The following COX5A variants were observed in gnomAD, a reference collection of about 807,000 sequenced individuals.
The protein encoded by COX5A is cytochrome c oxidase subunit 5A.
Under a neutral mutation model 16.1 loss-of-function variants are expected in COX5A, and 6 were observed. The observed-to-expected ratio is 0.37, with a 90% confidence interval of 0.20 to 0.73. The LOEUF (loss-of-function observed/expected upper bound fraction) is 0.73. Ranked by LOEUF, COX5A falls within the 30% of genes least tolerant of loss-of-function variation. COX5A has a pLI of 0.50. For synonymous variants in COX5A, 73 were observed against 73.8 expected, an observed-to-expected ratio of 0.99 and a Z score of 0.06; for missense variants, 159 against 194.9, an observed-to-expected ratio of 0.82 and a Z score of 1.10.
intron 4 of COX5A, 46 bp downstream of exon 4, chr15:74,923,602 C>T (rs1374803204): frequency 8.9e-7 from 1 of 1,127,530 alleles, no homozygotes; most frequent in African/African-American, 1.5e-5. Flanking sequence ...TCCACCCACA[C>T]CTCTCTGGAT....
chr15:74,936,622 C>CTTTTT (rs1021836626), intron 1 of COX5A, among the ~76,000 whole-genome samples: 73 of 112,428 alleles, frequency 6.5e-4, no homozygotes, highest in Middle Eastern at 6.4e-3. Context: ...AAAACATATT[C>CTTTTT]TTTTTTTTTT....
intron 2 of COX5A, among the ~76,000 whole-genome samples, chr15:74,928,203 G>A (rs564214524): frequency 6.6e-6 from 1 of 152,130 alleles, no homozygotes; most frequent in Non-Finnish European, 1.5e-5. Flanking sequence ...TTGAATTTTT[G>A]GTATGAGATA....
intron 1 of COX5A, among the ~76,000 whole-genome samples, chr15:74,934,552 C>G (rs139075330): frequency 6.6e-5 from 10 of 152,162 alleles, no homozygotes; most frequent in African/African-American, 2.4e-4. Context: ...AGGATGGTCT[C>G]GATCTCCTGA....
At chr15:74,933,910 C>A (rs188622339) in intron 1 of COX5A, among the ~76,000 whole-genome samples, 21 of 152,254 alleles carry the variant, frequency 1.4e-4, no homozygotes, top group African/African-American at 4.3e-4. Context: ...ACAGCAAATC[C>A]AAGTCAAGGA....
At chr15:74,924,240 C>T (rs991316952) in intron 3 of COX5A, among the ~76,000 whole-genome samples, 2 of 151,622 alleles carry the variant, frequency 1.3e-5, no homozygotes, top group African/African-American at 2.4e-5. Context: ...CACATTTGTT[C>T]GGTAAGTAGG....
At chr15:74,921,391 G>A (rs1408953921) in intron 4 of COX5A, among the ~76,000 whole-genome samples, 1 of 126,588 alleles carries the variant, frequency 7.9e-6, no homozygotes, top group African/African-American at 2.8e-5. Context: ...CTGGGTGACA[G>A]AGCCAGACTC....
Position 74,938,039 on chromosome 15 carries a change from G to A in COX5A, c.-25C>T. On this transcript the variant is annotated 5_prime_UTR_variant, in exon 1 of 5. Coordinates refer to ENST00000322347, the MANE Select transcript of COX5A (RefSeq NM_004255.4). ...TGACGGCGATGGCGGCGCGCGGGCTGAGGACAGAGAGAAGCCGGTGTAAGC... is the reference window on the plus strand; with the variant it reads ...TGACGGCGATGGCGGCGCGCGGGCTAAGGACAGAGAGAAGCCGGTGTAAGC... The A allele has an allele frequency of 8.2e-7, 1 of 1,219,360 alleles. No homozygotes were observed. Among genetic ancestry groups the A allele is most frequent in the African/African-American group, 1.6e-5 (1 of 64,078 alleles). 75.5% of individuals were successfully genotyped at this position (1,219,360 alleles called of 1,614,324 possible). A position where few individuals can be genotyped will look rare whatever the true frequency, so the allele number is the denominator to read the frequency against.
chr15:74,938,048 G>T lies in COX5A; in HGVS notation c.-34C>A. 1 of 1,210,178 alleles carries T rather than the reference G, an allele frequency of 8.3e-7. No homozygotes were observed. The highest frequency in any genetic ancestry group is 4.2e-5 in the South Asian group (1 of 23,944). 75.0% of individuals were successfully genotyped at this position (1,210,178 alleles called of 1,614,324 possible). The stretch of plus-strand genomic sequence containing the variant: ...TGGCGGCGCGCGGGCTGAGGACAGA[G>T]AGAAGCCGGTGTAAGCTCGCGGGTT... On this transcript the variant is annotated 5_prime_UTR_variant, in exon 1 of 5. Transcript: ENST00000322347.
chr15:74,926,286 C>T (rs563844820), intron 3 of COX5A, among the ~76,000 whole-genome samples: 14 of 150,952 alleles, frequency 9.3e-5, no homozygotes, highest in African/African-American at 2.4e-4. Context: ...GTGATCCGCC[C>T]GCCTCGGCCT....
chr15:74,937,421 C>T (rs2065396062), intron 1 of COX5A, among the ~76,000 whole-genome samples: 1 of 152,218 alleles, frequency 6.6e-6, no homozygotes, highest in Non-Finnish European at 1.5e-5. Context: ...ATGGAAAAGG[C>T]TGTGAAGGTG....
At chr15:74,926,672 G>C in intron 3 of COX5A, 94 bp downstream of exon 3, 20 of 1,323,458 alleles carry the variant, frequency 1.5e-5, no homozygotes, top group East Asian at 2.4e-5. Context: ...CTCATTTTAG[G>C]CATTTTAACA....
chr15:74,928,903 C>A (rs2065354801), intron 2 of COX5A, among the ~76,000 whole-genome samples: 1 of 152,154 alleles, frequency 6.6e-6, no homozygotes, highest in East Asian at 1.9e-4. Flanking sequence ...AAAGGACAGT[C>A]CCCTACAACA....
intron 4 of COX5A, among the ~76,000 whole-genome samples, chr15:74,921,182 C>A (rs150131093): frequency 0.018 from 2,642 of 146,726 alleles, 38 homozygotes; most frequent in Middle Eastern, 0.055. Flanking sequence ...CCGAGGCAGG[C>A]AGATCGCGAA....
In COX5A at chr15:74,920,293, T is replaced by C; in HGVS notation, c.*159A>G. The stretch of plus-strand genomic sequence containing the variant: ...TACCTAATTTCAGTTCAAACTCATT[T>C]CCCTTTTATTAAAGTCCAAGTTACC... On this transcript the variant is annotated 3_prime_UTR_variant, in exon 5 of 5. Transcript: ENST00000322347. 1 of 642,562 alleles carries C rather than the reference T, an allele frequency of 1.6e-6. No homozygotes were observed. The highest frequency in any genetic ancestry group is 2.7e-6 in the Non-Finnish European group (1 of 364,738). 39.8% of individuals were successfully genotyped at this position (642,562 alleles called of 1,614,324 possible).
intron 1 of COX5A, among the ~76,000 whole-genome samples, chr15:74,929,824 A>T (rs1264634317): frequency 6.6e-6 from 1 of 152,168 alleles, no homozygotes. Context: ...TCACGCCTGT[A>T]ATCCCAGCAC....
At chr15:74,932,049 C>T (rs2065369894) in intron 1 of COX5A, among the ~76,000 whole-genome samples, 1 of 152,204 alleles carries the variant, frequency 6.6e-6, no homozygotes, top group Non-Finnish European at 1.5e-5. Flanking sequence ...GGAAAATTAA[C>T]TTAAGTTTAT....
intron 1 of COX5A, among the ~76,000 whole-genome samples, chr15:74,934,673 G>T (rs1241828117): frequency 6.6e-6 from 1 of 152,042 alleles, no homozygotes; most frequent in African/African-American, 2.4e-5. Context: ...GGGTAAAGCA[G>T]GATCTATTCT....
At chr15:74,937,655 C>T in intron 1 of COX5A, 1 of 302,098 alleles carries the variant, frequency 3.3e-6, no homozygotes, top group African/African-American at 2.2e-5. Flanking sequence ...GCTGCGTCCC[C>T]TCCTCGGCGC....
chr15:74,923,778 C>A lies in COX5A; in HGVS notation c.340-8G>T. 1 of 1,497,208 alleles carries A rather than the reference C, an allele frequency of 6.7e-7. No individual in the cohort carries two copies. The highest frequency in any genetic ancestry group is 9.3e-7 in the Non-Finnish European group (1 of 1,075,450). The allele number at this position is 1,497,208 out of a possible 1,614,324, so 92.7% of individuals were successfully genotyped here. A position where few individuals can be genotyped will look rare whatever the true frequency, so the allele number is the denominator to read the frequency against. ...ATGAGGTCCTGCTTTGTCCTGATGG[C>A]AAAGAGAATATTCACATTTAACTCT... On this transcript the variant is annotated splice_region_variant and splice_polypyrimidine_tract_variant and intron_variant, in intron 3 of 4. Coordinates refer to ENST00000322347, the MANE Select transcript of COX5A (RefSeq NM_004255.4).
Sources: allele counts gnomAD v4.1 joint callset (sites outside exome capture counted in the v4.1 genomes callset), GRCh38; gene constraint gnomAD v4.1.1; transcripts MANE v1.5; gene names NCBI Gene and HGNC (gene_info 2026-07-23, HGNC 2026-07-21).